Variants in CIITA observed in about 807,000 individuals in gnomAD.
CIITA encodes the protein class II major histocompatibility complex transactivator, also known as MHC class II transactivator.
In CIITA, 72 loss-of-function variants were observed where a neutral mutation model predicts 115.1. The observed-to-expected ratio is 0.63, with a 90% CI of 0.52 to 0.76. The LOEUF is 0.76. Ranked by LOEUF, CIITA falls within the 30% of genes least tolerant of loss-of-function variation. The pLI, the probability that CIITA is intolerant of heterozygous loss-of-function variation, is 0.00. For missense variants in CIITA, 1,617 were observed against 1,463.8 expected, an observed-to-expected ratio of 1.10 and a Z score of -1.71; for synonymous variants, 763 against 635.6, an observed-to-expected ratio of 1.20 and a Z score of -3.02.
intron 2 of CIITA, 59 bp from the exon 3 acceptor site, chr16:10,895,610 T>C: frequency 6.2e-7 from 1 of 1,605,820 alleles, no homozygotes; most frequent in Non-Finnish European, 8.5e-7. Flanking sequence ...TCTCCCTCGT[T>C]CCCCACCAGC....
chr16:10,891,593 C>G (rs2037589464), intron 1 of CIITA, among the ~76,000 whole-genome samples: 2 of 152,166 alleles, frequency 1.3e-5, no homozygotes, highest in Admixed American at 6.5e-5. Context: ...ATCACACTGC[C>G]TCAAAGAGGA....
At chr16:10,872,095 A>G (rs1596392784) in intron 1 of CIITA, among the ~76,000 whole-genome samples, 1 of 151,706 alleles carries the variant, frequency 6.6e-6, no homozygotes, top group African/African-American at 2.4e-5. Context: ...TATTATTATT[A>G]TCATTATTCT....
In CIITA at chr16:10,915,624, G is replaced by A. The variant is rs1340497039; in HGVS notation, c.2943G>A (p.Thr981=). The A allele has an allele frequency of 2.0e-5, 32 of 1,614,064 alleles. No homozygotes were observed. The highest frequency in any genetic ancestry group is 2.2e-5 in the Non-Finnish European group (26 of 1,179,990). Residue 981 remains threonine (T), a synonymous_variant, in exon 14 of 20, where the codon ACG becomes ACA. Transcript: ENST00000324288. ...TCCCCAAACTGGTGCGGATCCTCAC[G>A]GCCTTTTCCTCCCTGCAGCATCTGG... is the stretch of plus-strand genomic sequence containing the variant. The part of the protein sequence containing the change: ...QAFPKLVRIL[T]AFSSLQHLDL...
Position 10,915,550 on chromosome 16 carries a change from C to A in CIITA, c.2889-20C>A. 1.2e-6 allele frequency: 2 copies of A among 1,604,756 alleles called. No individual in the cohort carries two copies. The highest frequency in any genetic ancestry group is 1.7e-6 in the Non-Finnish European group (2 of 1,171,606). Reference sequence around the variant, plus strand: ...CTGTGACTGTGACTGGAGGTCTTACCCTTGCTCTTTGCCTCCTAGGCTGGG... The same window carrying A: ...CTGTGACTGTGACTGGAGGTCTTACACTTGCTCTTTGCCTCCTAGGCTGGG... On this transcript the variant is annotated intron_variant, in intron 13 of 19. Coordinates refer to ENST00000324288, the MANE Select transcript of CIITA (RefSeq NM_000246.4).
Position 10,902,647 on chromosome 16 carries a change from G to C in CIITA, c.629-11G>C, listed in dbSNP as rs1171017396. 1 of 1,614,136 alleles carries C rather than the reference G, an allele frequency of 6.2e-7. No individual in the cohort carries two copies. The highest frequency in any genetic ancestry group is 8.5e-7 in the Non-Finnish European group (1 of 1,180,054). ...TGCAAGATCCCACCTCACTGCCTTTGTCTCTTGCAGTGCCTTTCTCCAGTT... is the reference window on the plus strand; with the variant it reads ...TGCAAGATCCCACCTCACTGCCTTTCTCTCTTGCAGTGCCTTTCTCCAGTT... On this transcript the variant is annotated splice_polypyrimidine_tract_variant and intron_variant, in intron 7 of 19. Coordinates refer to ENST00000324288, the MANE Select transcript of CIITA (RefSeq NM_000246.4).
At position 10,932,648 on chromosome 16, in the gene CIITA, AAATC is replaced by A. The variant is rs984299913; in HGVS notation, c.*8795_*8798del. 3 of 149,530 alleles carry A rather than the reference AAATC, an allele frequency of 2.0e-5. No homozygotes were observed. Among genetic ancestry groups the A allele is most frequent in the Non-Finnish European group, 4.5e-5 (3 of 67,326 alleles). The allele number at this position is 149,530 out of a possible 1,614,324, so 9.3% of individuals were successfully genotyped here. The stretch of plus-strand genomic sequence containing the variant: ...AGCTCATGAGCTAAAAAATAAAACA[AAATC>A]ACACACACACACACAAAAAAACACA... On this transcript the variant is annotated 3_prime_UTR_variant, in exon 20 of 20. Coordinates refer to ENST00000324288, the MANE Select transcript of CIITA (RefSeq NM_000246.4).
chr16:10,867,515 C>T (rs2035168528), intron 1 of CIITA, among the ~76,000 whole-genome samples: 1 of 149,494 alleles, frequency 6.7e-6, no homozygotes, highest in Non-Finnish European at 1.5e-5. Context: ...AAGGTGGAGG[C>T]TGATGGAGGA....
rs568045268 is a variant in CIITA, at chr16:10,933,140, T to A, written c.*9285T>A. ...CAGACAAGTTATCAGCCACTAGATT[T>A]TTTTCCCCCTTTCTGAAACTGTAAC... On this transcript the variant is annotated 3_prime_UTR_variant, in exon 20 of 20. Coordinates refer to ENST00000324288, the MANE Select transcript of CIITA (RefSeq NM_000246.4). 2.6e-5 allele frequency: 4 copies of A among 152,192 alleles called. No homozygotes were observed. The highest frequency in any genetic ancestry group is 4.4e-5 in the Non-Finnish European group (3 of 68,080). The allele number at this position is 152,192 out of a possible 1,614,324, so 9.4% of individuals were successfully genotyped here.
In CIITA at chr16:10,927,697, G is replaced by A. The variant is rs1289725623; in HGVS notation, c.*3842G>A. ...GGTGTGGAGCCTTTTAACCCAGAGG[G>A]GCATCTTTTCGTAGTTAACGCACAG... On this transcript the variant is annotated 3_prime_UTR_variant, in exon 20 of 20. Transcript: ENST00000324288. The A allele has an allele frequency of 6.6e-6, 1 of 152,074 alleles. No homozygotes were observed. The highest frequency in any genetic ancestry group is 1.5e-5 in the Non-Finnish European group (1 of 68,010). The allele number at this position is 152,074 out of a possible 1,614,324, so 9.4% of individuals were successfully genotyped here.
chr16:10,904,835 G>A (rs748232897), intron 10 of CIITA, 23 bp downstream of exon 10: 3 of 1,612,236 alleles, frequency 1.9e-6, no homozygotes, highest in Non-Finnish European at 2.5e-6. Context: ...GGATCTCTCT[G>A]CCCTGGGTGG....
chr16:10,875,963 C>A (rs1457892883), upstream of CIITA, among the ~76,000 whole-genome samples: 1 of 152,078 alleles, frequency 6.6e-6, no homozygotes, highest in East Asian at 1.9e-4. Context: ...GAGCGCGACT[C>A]CGTCTCAAAA....
Position 10,902,077 on chromosome 16 carries a change from G to T in CIITA, c.521G>T (p.Gly174Val), listed in dbSNP as rs1180751662. 6.2e-7 allele frequency: 1 copy of T among 1,614,014 alleles called. No homozygotes were observed. The highest frequency in any genetic ancestry group is 8.5e-7 in the Non-Finnish European group (1 of 1,180,024). Residue 174 changes from glycine (G) to valine (V), a missense_variant, in exon 7 of 20, where the codon GGA (glycine) becomes GTA (valine). Transcript: ENST00000324288. Reference sequence around the variant, plus strand: ...GTGGTGACTGGCAGTCTCCTAGTGGGACCAGTGAGCGACTGCTCCACCCTG... The same window carrying T: ...GTGGTGACTGGCAGTCTCCTAGTGGTACCAGTGAGCGACTGCTCCACCCTG... ...PTVVTGSLLVGPVSDCSTLPC... is the reference protein window; with the variant it reads ...PTVVTGSLLVVPVSDCSTLPC...
At chr16:10,877,048 G>A, upstream of CIITA, 4 of 571,224 alleles carry the variant, frequency 7.0e-6, no homozygotes, top group Admixed American at 3.0e-5. Context: ...GAGGTGTGGG[G>A]AGGGCTTAAG....
downstream of CIITA, chr16:10,938,540 C>T (rs1027097803): frequency 1.3e-5 from 2 of 152,120 alleles, no homozygotes; most frequent in African/African-American, 2.4e-5. This position sits in a 1 kb window ranked among gnomAD's most constrained non-coding sequence, Gnocchi z 4.9. Context: ...GACTGACTAC[C>T]GGCGTTCCCC....
intron 1 of CIITA, among the ~76,000 whole-genome samples, chr16:10,891,309 G>A (rs372539988): frequency 4.6e-5 from 7 of 152,196 alleles, no homozygotes; most frequent in South Asian, 4.2e-4. Context: ...GGCAGCCACC[G>A]ACAGGCTATG....
rs2041103241 is a variant in CIITA, at chr16:10,941,575, C to T, written n.701C>T. 3 of 1,455,524 alleles carry T rather than the reference C, an allele frequency of 2.1e-6. No individual in the cohort carries two copies. The highest frequency in any genetic ancestry group is 1.4e-5 in the African/African-American group (1 of 70,300). The allele number at this position is 1,455,524 out of a possible 1,614,324, so 90.2% of individuals were successfully genotyped here. A position where few individuals can be genotyped will look rare whatever the true frequency, so the allele number is the denominator to read the frequency against. On this transcript the variant is annotated non_coding_transcript_exon_variant, in exon 2 of 2. Transcript: ENST00000573379. This position sits in a 1 kb window ranked among gnomAD's most constrained non-coding sequence, Gnocchi z 6.4. ...GTTCAGAGAGGGCACTTACAGGCCT[C>T]GGAGGCAGGGGAGGGTCTCCTCCTG...
chr16:10,902,789 T>G lies in CIITA; in HGVS notation c.760T>G (p.Phe254Val), dbSNP rs1195790229. The change falls in exon 8 of 20, where the codon TTC becomes GTC. Residue 254 changes from phenylalanine (F) to valine (V), a missense_variant. Phe to Val is a conservative substitution (Grantham distance 50). Transcript: ENST00000324288. ...SEAGTGVSSI[F>V]IYHGEVPQAS... ...GGCTGGAACAGGGGTCTCCAGTATA[T>G]TCATCTACCATGGTGAGTGCGGGGC... 2 of 1,614,178 alleles carry G rather than the reference T, an allele frequency of 1.2e-6. No individual in the cohort carries two copies. Among genetic ancestry groups the G allele is most frequent in the Admixed American group, 1.7e-5 (1 of 60,026 alleles).
chr16:10,877,866 C>T lies in CIITA; in HGVS notation c.52+484C>T, dbSNP rs202166241. Among the ~76,000 whole-genome samples the T allele has an allele frequency of 2.6e-5, 4 of 152,150 alleles. No individual in the cohort carries two copies. In the East Asian group the frequency reaches 7.7e-4, roughly 29 times the overall value. On this transcript the variant is annotated intron_variant, in intron 1 of 19. Coordinates refer to ENST00000324288, the MANE Select transcript of CIITA (RefSeq NM_000246.4). ...GAGCTGGCGGATGCTGCCCTCCCCC[C>T]AGTTTCCTAATGGTGTTGTTTAAAA...
intron 1 of CIITA, 36 bp downstream of exon 1, chr16:10,877,418 C>T (rs1311888297): frequency 5.6e-6 from 9 of 1,594,636 alleles, no homozygotes; most frequent in South Asian, 1.1e-5. Context: ...ATTTAGCGTG[C>T]AGTCTCAGCT....
Sources: allele counts gnomAD v4.1 joint callset (sites outside exome capture counted in the v4.1 genomes callset), GRCh38; gene constraint gnomAD v4.1.1; non-coding constraint Gnocchi (gnomAD v3.1); transcripts MANE v1.5; gene names NCBI Gene and HGNC (gene_info 2026-07-23, HGNC 2026-07-21).